GPR39: variants seen among roughly 807,000 people sequenced by gnomAD.
GPR39 encodes the protein zinc sensing receptor.
A neutral mutation model predicts 18.4 loss-of-function variants in GPR39; 23 were observed. That is an observed-to-expected ratio of 1.25 (90% CI 0.90 to 1.77). The LOEUF is 1.77. Among genes scored for constraint, GPR39 ranks in the 40% most tolerant of loss-of-function variants. The pLI is 0.00. For missense variants in GPR39, 647 were observed against 602.4 expected (o/e 1.07, Z -0.78); for synonymous variants, 280 against 257.9 (o/e 1.09, Z -0.82).
intron 1 of GPR39, among the ~76,000 whole-genome samples, chr2:132,483,631 T>A (rs1471826061): frequency 6.6e-6 from 1 of 152,248 alleles, no homozygotes; most frequent in Non-Finnish European, 1.5e-5. Context: ...TATCTAACCT[T>A]AGCCCTTGCT....
At chr2:132,430,400 T>G (rs1395753819) in intron 1 of GPR39, among the ~76,000 whole-genome samples, 1 of 152,192 alleles carries the variant, frequency 6.6e-6, no homozygotes, top group Non-Finnish European at 1.5e-5. Context: ...TTGACTTTAG[T>G]AACTGTGCCA....
intron 1 of GPR39, among the ~76,000 whole-genome samples, chr2:132,422,338 A>G (rs1373506471): frequency 6.6e-6 from 1 of 152,174 alleles, no homozygotes; most frequent in African/African-American, 2.4e-5. Context: ...CATTGACTTC[A>G]TGAAATTCTG....
chr2:132,427,908 A>ATAT (rs1680156430), intron 1 of GPR39, among the ~76,000 whole-genome samples: 1 of 145,306 alleles, frequency 6.9e-6, no homozygotes, highest in African/African-American at 2.5e-5. Flanking sequence ...ATAATATAAA[A>ATAT]TTATATTTAA....
At chr2:132,426,675 A>T (rs1241669976) in intron 1 of GPR39, among the ~76,000 whole-genome samples, 6 of 152,196 alleles carry the variant, frequency 3.9e-5, no homozygotes, top group Non-Finnish European at 2.9e-5. Context: ...CCGATTTAGA[A>T]ACTTGACAAA....
intron 1 of GPR39, among the ~76,000 whole-genome samples, chr2:132,499,435 T>G (rs897133042): frequency 1.3e-5 from 2 of 152,212 alleles, no homozygotes; most frequent in Non-Finnish European, 2.9e-5. Flanking sequence ...ACCAGTTCCA[T>G]GCTGTTTTGG....
chr2:132,542,529 G>A (rs1016019431), intron 1 of GPR39, among the ~76,000 whole-genome samples: 3 of 152,192 alleles, frequency 2.0e-5, no homozygotes, highest in Admixed American at 1.3e-4. Context: ...AGGTCAAGGA[G>A]AACCTCCTAT....
At chr2:132,565,439 G>A (rs553387613) in intron 1 of GPR39, among the ~76,000 whole-genome samples, 2 of 141,198 alleles carry the variant, frequency 1.4e-5, no homozygotes, top group South Asian at 4.6e-4. Context: ...TAGGGTACAT[G>A]TGCACATTGT....
At position 132,597,225 on chromosome 2, in the gene GPR39, T is replaced by C. The variant is rs1213420158; in HGVS notation, c.857-47876T>C. 2.6e-5 allele frequency among the ~76,000 whole-genome samples: 4 copies of C among 152,298 alleles called. No homozygotes were observed. In the East Asian group the frequency reaches 7.7e-4, roughly 29 times the overall value. ...GCTGGCTTGGGTTGGGGTCAGGCTA[T>C]GTGGAAAGGGTAAGTGCCCCTGATC... On this transcript the variant is annotated intron_variant, in intron 1 of 1. Coordinates refer to ENST00000329321, the MANE Select transcript of GPR39 (RefSeq NM_001508.3).
At chr2:132,536,785 C>T (rs1354753435) in intron 1 of GPR39, among the ~76,000 whole-genome samples, 5 of 152,202 alleles carry the variant, frequency 3.3e-5, no homozygotes, top group Non-Finnish European at 7.3e-5. Context: ...GGATAGTTTG[C>T]ACTTCTTGTT....
chr2:132,433,531 A>G (rs1365455459), intron 1 of GPR39, among the ~76,000 whole-genome samples: 7 of 151,986 alleles, frequency 4.6e-5, no homozygotes, highest in Non-Finnish European at 7.4e-5. Context: ...ACTCATACAA[A>G]GTGCCACTAG....
intron 1 of GPR39, among the ~76,000 whole-genome samples, chr2:132,559,097 C>T (rs575129011): frequency 1.3e-5 from 2 of 152,288 alleles, no homozygotes; most frequent in Non-Finnish European, 2.9e-5. Context: ...CGTTCATGCT[C>T]GGAATCAAAT....
chr2:132,492,122 ACATATATATACATAC>A (rs1681476645), intron 1 of GPR39, among the ~76,000 whole-genome samples: 3 of 149,150 alleles, frequency 2.0e-5, no homozygotes, highest in South Asian at 2.1e-4. Context: ...TATACACACC[ACATATATATACATAC>A]CATATATATA....
At chr2:132,442,799 T>G (rs142751003) in intron 1 of GPR39, among the ~76,000 whole-genome samples, 139 of 152,302 alleles carry the variant, frequency 9.1e-4, no homozygotes, top group Middle Eastern at 3.4e-3. Flanking sequence ...TCGGAGATAT[T>G]CACAGATTCC....
intron 1 of GPR39, among the ~76,000 whole-genome samples, chr2:132,538,666 C>G (rs1679804198): frequency 1.3e-5 from 2 of 152,174 alleles, no homozygotes; most frequent in African/African-American, 4.8e-5. Context: ...GTGACAGCAC[C>G]CATCCCTCCC....
At chr2:132,511,883 G>GCTATCCGACTC (rs11267146) in intron 1 of GPR39, among the ~76,000 whole-genome samples, 1 of 152,134 alleles carries the variant, frequency 6.6e-6, no homozygotes, top group South Asian at 2.1e-4. Context: ...TCAAGTCCAG[G>GCTATCCGACTC]CAGACTCTAT....
intron 1 of GPR39, among the ~76,000 whole-genome samples, chr2:132,601,233 A>G (rs1429340270): frequency 6.6e-6 from 1 of 152,184 alleles, no homozygotes; most frequent in Non-Finnish European, 1.5e-5. Context: ...AGCAAACCAA[A>G]TCTAACAGCA....
Position 132,645,825 on chromosome 2 carries a change from C to CT in GPR39, c.*220dup. ...ACATGGGGGTGAACTTTCACTCCAC[C>CT]TCCTTCCTTCAAGTACATACTGAAA... On this transcript the variant is annotated 3_prime_UTR_variant, in exon 2 of 2. Transcript: ENST00000329321. 1.5e-6 allele frequency: 1 copy of CT among 685,504 alleles called. No homozygotes were observed. 42.5% of individuals were successfully genotyped at this position (685,504 alleles called of 1,614,324 possible).
intron 1 of GPR39, among the ~76,000 whole-genome samples, chr2:132,538,820 G>T (rs767197683): frequency 6.6e-6 from 1 of 152,190 alleles, no homozygotes; most frequent in Non-Finnish European, 1.5e-5. Flanking sequence ...GTGCTGTGGT[G>T]AATTCTGCTC....
chr2:132,595,827 C>T (rs1317760323), intron 1 of GPR39, among the ~76,000 whole-genome samples: 3 of 152,192 alleles, frequency 2.0e-5, no homozygotes, highest in Non-Finnish European at 2.9e-5. Context: ...ACCACCAAAG[C>T]AGGTTTCTAA....
Sources: allele counts gnomAD v4.1 joint callset (sites outside exome capture counted in the v4.1 genomes callset), GRCh38; gene constraint gnomAD v4.1.1; transcripts MANE v1.5; gene names NCBI Gene and HGNC (gene_info 2026-07-23, HGNC 2026-07-21).